The following DMD variants were observed in gnomAD, a reference collection of about 807,000 sequenced individuals.
DMD encodes the protein dystrophin, also known as mutant dystrophin.
DMD carries 63 observed loss-of-function variants against 330.1 expected under a neutral mutation model. The observed-to-expected ratio is 0.19, with a 90% CI of 0.16 to 0.24. The LOEUF is 0.24. Among genes scored for constraint, DMD ranks in the 10% least tolerant of loss-of-function variants. DMD has a pLI of 1.00. For missense variants in DMD, 3,344 were observed against 2,684.1 expected, an observed-to-expected ratio of 1.25 and a Z score of -5.43; for synonymous variants, 1,223 against 959.8, an observed-to-expected ratio of 1.27 and a Z score of -5.07.
chrX:31,906,242 C>G (rs1036856042), intron 47 of DMD, among the ~76,000 whole-genome samples: 5 of 111,879 alleles, frequency 4.5e-5, no homozygotes, highest in Non-Finnish European at 7.5e-5. Flanking sequence ...TTTCCTGAGG[C>G]CTCCCCAGCC....
chrX:32,702,874 A>C (rs1436415671), intron 7 of DMD, among the ~76,000 whole-genome samples: 1 of 111,704 alleles, frequency 9.0e-6, no homozygotes, highest in Non-Finnish European at 1.9e-5. Flanking sequence ...TTAGGATATA[A>C]AGATTAATAA....
At chrX:32,853,358 T>TA (rs1042487546) in intron 2 of DMD, among the ~76,000 whole-genome samples, 5 of 111,358 alleles carry the variant, frequency 4.5e-5, no homozygotes, top group African/African-American at 6.5e-5. Context: ...ATAAGAAGAG[T>TA]AAAAAAAGGA....
chrX:31,571,757 T>C (rs2075831612), intron 55 of DMD, among the ~76,000 whole-genome samples: 1 of 111,565 alleles, frequency 9.0e-6, no homozygotes, highest in Non-Finnish European at 1.9e-5. Flanking sequence ...CATTACAACA[T>C]GTTGAGCAGC....
At chrX:31,641,971 T>C (rs761159025) in intron 54 of DMD, among the ~76,000 whole-genome samples, 3 of 111,850 alleles carry the variant, frequency 2.7e-5, no homozygotes, top group South Asian at 7.6e-4. Context: ...TCCTTTAAGA[T>C]TGGTCAACAA....
intron 55 of DMD, among the ~76,000 whole-genome samples, chrX:31,547,844 A>G (rs1418880732): frequency 8.9e-6 from 1 of 112,375 alleles, no homozygotes; most frequent in Admixed American, 9.4e-5. Context: ...TGAAAGAGAT[A>G]AAAGATGAAA....
At chrX:31,390,860 G>C (rs1445527782) in intron 60 of DMD, among the ~76,000 whole-genome samples, 1 of 111,471 alleles carries the variant, frequency 9.0e-6, no homozygotes, top group African/African-American at 3.3e-5. Flanking sequence ...AGGTACGTCA[G>C]ATTATATTAT....
chrX:31,913,160 A>G (rs1035335624), intron 47 of DMD, among the ~76,000 whole-genome samples: 7 of 112,465 alleles, frequency 6.2e-5, no homozygotes, highest in African/African-American at 2.3e-4. Context: ...GCAGATGAAT[A>G]TCATAGTCAA....
At chrX:33,029,465 T>A (rs2094067317) in intron 1 of DMD, among the ~76,000 whole-genome samples, 2 of 112,030 alleles carry the variant, frequency 1.8e-5, no homozygotes, top group Admixed American at 1.9e-4. Context: ...TTCCTTTGCC[T>A]CCACTGCAAA....
chrX:31,238,208 C>T (rs1481736606), intron 63 of DMD, among the ~76,000 whole-genome samples: 1 of 111,473 alleles, frequency 9.0e-6, no homozygotes, highest in East Asian at 2.8e-4. Context: ...GCAATGACCA[C>T]GGATTCCTTG....
At chrX:32,670,889 C>T (rs2061592590) in intron 9 of DMD, among the ~76,000 whole-genome samples, 1 of 111,192 alleles carries the variant, frequency 9.0e-6, no homozygotes, top group South Asian at 3.8e-4. Context: ...ATGCCAAAAG[C>T]ATTGTAATGT....
At chrX:33,055,017 C>T (rs920300377) in intron 1 of DMD, among the ~76,000 whole-genome samples, 4 of 111,307 alleles carry the variant, frequency 3.6e-5, no homozygotes, top group Non-Finnish European at 5.6e-5. Context: ...ATCTGAGGGT[C>T]ATGGTTAAGA....
At chrX:32,134,030 T>C (rs1007872233) in intron 44 of DMD, among the ~76,000 whole-genome samples, 1 of 111,927 alleles carries the variant, frequency 8.9e-6, no homozygotes, top group Non-Finnish European at 1.9e-5. Flanking sequence ...TTCTTTGAGA[T>C]CTTTGCTCAA....
chrX:32,906,947 G>A (rs2086776614), intron 2 of DMD, among the ~76,000 whole-genome samples: 1 of 111,846 alleles, frequency 8.9e-6, no homozygotes, highest in African/African-American at 3.2e-5. Context: ...ATAAGACATA[G>A]GTTTGGTTAT....
intron 57 of DMD, among the ~76,000 whole-genome samples, chrX:31,491,883 C>T (rs1431381354): frequency 8.9e-6 from 1 of 111,975 alleles, no homozygotes; most frequent in East Asian, 2.8e-4. Flanking sequence ...AAGAAAAACA[C>T]AAATTACCTG....
intron 1 of DMD, among the ~76,000 whole-genome samples, chrX:33,062,060 T>A (rs1426126870): frequency 1.8e-5 from 2 of 112,331 alleles, no homozygotes; most frequent in African/African-American, 6.5e-5. Context: ...GTAAGTATTG[T>A]GAGAAGATAA....
chrX:32,728,257 G>C (rs1422542976), intron 7 of DMD, among the ~76,000 whole-genome samples: 2 of 111,721 alleles, frequency 1.8e-5, no homozygotes, highest in African/African-American at 6.5e-5. Flanking sequence ...AGACACTCCA[G>C]AGTAACATTT....
intron 50 of DMD, among the ~76,000 whole-genome samples, chrX:31,782,548 A>C (rs1442541617): frequency 1.8e-5 from 2 of 110,154 alleles, no homozygotes; most frequent in African/African-American, 6.6e-5. Context: ...TAGCAAAAGA[A>C]TCGCCTCGAT....
intron 7 of DMD, chrX:32,756,189 C>T (rs752690930): frequency 8.9e-6 from 1 of 112,048 alleles, no homozygotes; most frequent in Non-Finnish European, 1.9e-5. Context: ...TCCGGCTCAA[C>T]AAGAAATTCA....
chrX:32,521,782 C>T (rs749762263), intron 17 of DMD, among the ~76,000 whole-genome samples: 12 of 112,019 alleles, frequency 1.1e-4, no homozygotes, highest in Non-Finnish European at 1.9e-4. Flanking sequence ...TCTTCATCTC[C>T]GCTATGGACT....
Sources: gnomAD v4.1 joint callset for allele counts (sites outside exome capture counted in the v4.1 genomes callset) on GRCh38, gnomAD v4.1.1 for gene constraint, MANE v1.5 for transcripts, NCBI Gene and HGNC (gene_info 2026-07-23, HGNC 2026-07-21) for gene names.